CNTN1: variants seen among roughly 807,000 people sequenced by gnomAD.
CNTN1 encodes the protein contactin-1.
Under a neutral mutation model 126.4 loss-of-function variants are expected in CNTN1, and 38 were observed. That is an observed-to-expected ratio of 0.30 (90% CI 0.23 to 0.39). CNTN1 has a LOEUF of 0.39. CNTN1 is among the 10% of genes least tolerant of loss of function. The pLI is 1.00. For missense variants in CNTN1, 1,009 were observed against 1,248.4 expected, an observed-to-expected ratio of 0.81 and a Z score of 2.89; for synonymous variants, 413 against 422.6, an observed-to-expected ratio of 0.98 and a Z score of 0.28.
At chr12:40,721,986 A>T (rs1299579288) in intron 1 of CNTN1, among the ~76,000 whole-genome samples, 1 of 151,192 alleles carries the variant, frequency 6.6e-6, no homozygotes, top group Non-Finnish European at 1.5e-5. Flanking sequence ...AGTCTTTGCT[A>T]TTGTGAATAG....
chr12:40,823,077 C>G (rs904738510), intron 1 of CNTN1, among the ~76,000 whole-genome samples: 1 of 152,156 alleles, frequency 6.6e-6, no homozygotes, highest in East Asian at 1.9e-4. Context: ...TATGTATACA[C>G]ACAAACATAT....
chr12:40,903,286 A>G (rs983108057), intron 1 of CNTN1, among the ~76,000 whole-genome samples: 1 of 152,150 alleles, frequency 6.6e-6, no homozygotes, highest in Non-Finnish European at 1.5e-5. Context: ...GGCCTCAGGA[A>G]CAGGAATGCA....
Position 40,761,375 on chromosome 12 carries a change from T to G in CNTN1, c.-77+68783T>G, listed in dbSNP as rs567804988. On this transcript the variant is annotated intron_variant, in intron 1 of 23. Transcript: ENST00000551295. ...TGGGAAATTATAATAAGATTTGTTC[T>G]TCTACCAATCTTCACTGGAGCACTT... Among the ~76,000 whole-genome samples the G allele has an allele frequency of 3.7e-4, 57 of 152,260 alleles. 1 individual carries two copies. Among genetic ancestry groups the G allele is most frequent in the African/African-American group, 1.3e-3 (55 of 41,584 alleles).
chr12:40,780,596 A>G (rs370192717), intron 1 of CNTN1, among the ~76,000 whole-genome samples: 2 of 150,028 alleles, frequency 1.3e-5, no homozygotes. Flanking sequence ...AAAATGTCAA[A>G]TTCTCTATTC....
chr12:40,840,769 G>T (rs76819048), intron 1 of CNTN1, among the ~76,000 whole-genome samples: 20 of 151,684 alleles, frequency 1.3e-4, no homozygotes, highest in African/African-American at 4.8e-4. Flanking sequence ...AAAAGGTTTC[G>T]AAACAAATGA....
chr12:41,048,808 C>G (rs1949606163), intron 23 of CNTN1, among the ~76,000 whole-genome samples: 1 of 151,756 alleles, frequency 6.6e-6, no homozygotes, highest in South Asian at 2.1e-4. Context: ...CGAAGAAAAA[C>G]AAAAAAAGAA....
intron 16 of CNTN1, among the ~76,000 whole-genome samples, chr12:40,992,377 G>T (rs1032342337): frequency 2.0e-5 from 3 of 152,100 alleles, no homozygotes; most frequent in African/African-American, 7.2e-5. Flanking sequence ...AAGCCTACAG[G>T]TACAGGTATT....
chr12:40,845,454 TTTA>T (rs1218663727), intron 1 of CNTN1, among the ~76,000 whole-genome samples: 1 of 152,198 alleles, frequency 6.6e-6, no homozygotes, highest in Non-Finnish European at 1.5e-5. Flanking sequence ...AATTATACTA[TTTA>T]TTGTGTTTTA....
chr12:41,044,420 A>T (rs2120978964), intron 23 of CNTN1, among the ~76,000 whole-genome samples: 1 of 152,258 alleles, frequency 6.6e-6, no homozygotes, highest in South Asian at 2.1e-4. Flanking sequence ...ATTTGGCTCT[A>T]TCACTGTTAA....
At position 40,769,766 on chromosome 12, in the gene CNTN1, CTTA is replaced by C. The variant is rs368073208; in HGVS notation, c.-77+77177_-77+77179del. 6.1e-4 allele frequency among the ~76,000 whole-genome samples: 93 copies of C among 152,056 alleles called. 1 individual carries two copies. The highest frequency in any genetic ancestry group is 2.1e-3 in the African/African-American group (89 of 41,466). On this transcript the variant is annotated intron_variant, in intron 1 of 23. Transcript: ENST00000551295. ...TAAATTTTGCACCTGAGGCAAGTGC[CTTA>C]TTGTTTCATCCTGGTCCTGGCCCTG...
chr12:40,847,370 A>G (rs1161327664), intron 1 of CNTN1, among the ~76,000 whole-genome samples: 1 of 152,146 alleles, frequency 6.6e-6, no homozygotes, highest in East Asian at 1.9e-4. Context: ...CTTGATGAAT[A>G]AAGTTTATAT....
rs1362527882 is a variant in CNTN1, at chr12:41,071,041, T to C, written c.*1006T>C. ...GCAGATGTCAGATCAAAAAGTCACC[T>C]GTAGGTTGAAAAAGCTACCGTATTC... is the stretch of plus-strand genomic sequence containing the variant. On this transcript the variant is annotated 3_prime_UTR_variant, in exon 24 of 24. Coordinates refer to ENST00000551295, the MANE Select transcript of CNTN1 (RefSeq NM_001843.4). The C allele has an allele frequency of 6.6e-6, 1 of 151,844 alleles. No individual in the cohort carries two copies. The highest frequency in any genetic ancestry group is 1.5e-5 in the Non-Finnish European group (1 of 67,936). 9.4% of individuals were successfully genotyped at this position (151,844 alleles called of 1,614,324 possible).
intron 1 of CNTN1, among the ~76,000 whole-genome samples, chr12:40,714,667 T>C (rs1942004701): frequency 6.6e-6 from 1 of 152,146 alleles, no homozygotes; most frequent in South Asian, 2.1e-4. Flanking sequence ...GAATTTTTTT[T>C]ATAGAAATGA....
intron 15 of CNTN1, 48 bp downstream of exon 15, chr12:40,959,282 T>C: frequency 6.3e-7 from 1 of 1,594,518 alleles, no homozygotes. Flanking sequence ...GTATTTGACT[T>C]GCATAAACAT....
At chr12:40,797,207 T>C (rs7302436) in intron 1 of CNTN1, among the ~76,000 whole-genome samples, 42,408 of 152,010 alleles carry the variant, frequency 0.28, 6,041 homozygotes, top group East Asian at 0.42. Context: ...ACTGAATAAA[T>C]AATTACACAA....
chr12:40,872,212 TTGTG>T (rs61187240), intron 1 of CNTN1, among the ~76,000 whole-genome samples: 11,322 of 113,334 alleles, frequency 0.1, 494 homozygotes, highest in African/African-American at 0.11. Flanking sequence ...GTTGCTTTGT[TTGTG>T]TGTGTGTGTG....
intron 1 of CNTN1, among the ~76,000 whole-genome samples, chr12:40,821,535 A>G (rs1941441911): frequency 6.6e-6 from 1 of 152,148 alleles, no homozygotes; most frequent in Non-Finnish European, 1.5e-5. Context: ...TTTTACATGG[A>G]GATTAAATTG....
At chr12:40,953,058 T>C (rs964601093) in intron 14 of CNTN1, among the ~76,000 whole-genome samples, 12 of 152,186 alleles carry the variant, frequency 7.9e-5, no homozygotes, top group Non-Finnish European at 2.9e-5. Flanking sequence ...TTCAATTTGT[T>C]AATACAGCGT....
intron 14 of CNTN1, among the ~76,000 whole-genome samples, chr12:40,945,317 C>T (rs960579297): frequency 1.3e-5 from 2 of 151,914 alleles, no homozygotes; most frequent in African/African-American, 4.8e-5. Flanking sequence ...ATCTCCAATA[C>T]TTTATTTAAA....
Sources: allele counts gnomAD v4.1 joint callset (sites outside exome capture counted in the v4.1 genomes callset), GRCh38; gene constraint gnomAD v4.1.1; transcripts MANE v1.5; gene names NCBI Gene and HGNC (gene_info 2026-07-23, HGNC 2026-07-21).